Variants in UQCRB observed in about 807,000 individuals in gnomAD.
The protein encoded by UQCRB is cytochrome b-c1 complex subunit 7.
Under a neutral mutation model 19.8 loss-of-function variants are expected in UQCRB, and 12 were observed. That is an observed-to-expected ratio of 0.61 (90% CI 0.39 to 0.98). The LOEUF (loss-of-function observed/expected upper bound fraction) is 0.98. Ranked by LOEUF, UQCRB falls within the 50% of genes least tolerant of loss-of-function variation. UQCRB has a pLI of 0.00. For synonymous variants in UQCRB, 39 were observed against 42.9 expected (o/e 0.91, Z 0.35); for missense variants, 142 against 131.8 (o/e 1.08, Z -0.38).
At chr8:96,233,106 CAAAG>C (rs1563538698) in intron 2 of UQCRB, 46 bp downstream of exon 2, 7 of 1,493,136 alleles carry the variant, frequency 4.7e-6, no homozygotes, top group East Asian at 2.3e-5. Flanking sequence ...AAAAAAAAAA[CAAAG>C]AAACAACAAC....
rs557744964 is a variant in UQCRB at position 96,224,328 on chromosome 8, C to T, written c.*6727G>A. Among the ~76,000 whole-genome samples, 2 of 152,128 alleles carry T rather than the reference C, an allele frequency of 1.3e-5. No homozygotes were observed. The highest frequency in any genetic ancestry group is 1.9e-4 in the East Asian group (1 of 5,178). ...GGAGCTGTAGCTTTCTTCAGAGGAA[C>T]GTGGGCTGGGGAATAAATATCTCTG... On this transcript the variant is annotated 3_prime_UTR_variant, in exon 4 of 4. Transcript: ENST00000287022.
rs1809559605 is a variant in UQCRB, at chr8:96,227,815, C to CT, written c.*3239dup. The CT allele has an allele frequency of 2.2e-6, 1 of 453,436 alleles. No individual in the cohort carries two copies. The highest frequency in any genetic ancestry group is 2.0e-5 in the African/African-American group (1 of 49,896). 28.1% of individuals were successfully genotyped at this position (453,436 alleles called of 1,614,324 possible). On this transcript the variant is annotated 3_prime_UTR_variant, in exon 4 of 4. Transcript: ENST00000287022. ...AAAAGGGAGTCCTTAAAGTAAATAACTAAATGAAATCACTACCAAAATGTA... is the reference window on the plus strand; with the variant it reads ...AAAAGGGAGTCCTTAAAGTAAATAACTTAAATGAAATCACTACCAAAATGTA...
Position 96,233,226 on chromosome 8 carries a change from A to C in UQCRB, c.21T>G (p.Val7=). The C allele has an allele frequency of 1.2e-6, 2 of 1,613,688 alleles. No individual in the cohort carries two copies. Among genetic ancestry groups the C allele is most frequent in the Non-Finnish European group, 1.7e-6 (2 of 1,179,914 alleles). Residue 7 remains valine, a splice_region_variant and synonymous_variant, in exon 2 of 4, where the codon GTT becomes GTG. Coordinates refer to ENST00000287022, the MANE Select transcript of UQCRB (RefSeq NM_006294.5). MAGKQA[V]SASGKWLDGI... ...CATCCAGCCACTTGCCTGATGCTGAAACTGATAATTGTCACACTGTTAATT... is the reference window on the plus strand; with the variant it reads ...CATCCAGCCACTTGCCTGATGCTGACACTGATAATTGTCACACTGTTAATT...
At position 96,226,973 on chromosome 8, in the gene UQCRB, C is replaced by G; in HGVS notation, c.*4082G>C. ...GCAAAATATAACTTAGAGGCACTAT[C>G]CGACCTGAGATCTCAGATTCTAACA... is the stretch of plus-strand genomic sequence containing the variant. On this transcript the variant is annotated 3_prime_UTR_variant, in exon 4 of 4. Transcript: ENST00000287022. 2.2e-6 allele frequency: 1 copy of G among 454,030 alleles called. No homozygotes were observed. The highest frequency in any genetic ancestry group is 4.4e-6 in the Non-Finnish European group (1 of 226,764). 28.1% of individuals were successfully genotyped at this position (454,030 alleles called of 1,614,324 possible).
intron 1 of UQCRB, chr8:96,234,604 G>C: frequency 1.2e-6 from 1 of 866,300 alleles, no homozygotes; most frequent in Non-Finnish European, 1.7e-6. Flanking sequence ...TGTCAATTAG[G>C]TTAACGGATG....
intron 1 of UQCRB, chr8:96,234,413 G>T: frequency 3.3e-6 from 3 of 909,756 alleles, no homozygotes; most frequent in Non-Finnish European, 4.6e-6. Context: ...AGAAGGGGAA[G>T]CTGGCTTACA....
Position 96,235,324 on chromosome 8 carries a change from C to T in UQCRB, c.19+188G>A, listed in dbSNP as rs892884508. On this transcript the variant is annotated intron_variant, in intron 1 of 3. Transcript: ENST00000287022. Reference sequence around the variant, plus strand: ...AGCGGGTTAACATCCCAACCCTATACAGGCAAGCCCGCCCTGGGGACAGCA... The same window carrying T: ...AGCGGGTTAACATCCCAACCCTATATAGGCAAGCCCGCCCTGGGGACAGCA... 5.8e-6 allele frequency: 5 copies of T among 856,354 alleles called. No individual in the cohort carries two copies. In the Admixed American group the frequency reaches 8.3e-5, roughly 14 times the overall value. The allele number at this position is 856,354 out of a possible 1,614,324, so 53.0% of individuals were successfully genotyped here. A position where few individuals can be genotyped will look rare whatever the true frequency, so the allele number is the denominator to read the frequency against.
At chr8:96,231,559 T>TA (rs1403316680) in intron 3 of UQCRB, 1 of 1,411,434 alleles carries the variant, frequency 7.1e-7, no homozygotes, top group Non-Finnish European at 9.7e-7. Flanking sequence ...CTCTCTATAT[T>TA]AGAGACTTGC....
chr8:96,230,758 T>A lies in UQCRB; in HGVS notation c.*297A>T. 1.8e-6 allele frequency: 1 copy of A among 549,794 alleles called. No homozygotes were observed. The highest frequency in any genetic ancestry group is 3.5e-6 in the Non-Finnish European group (1 of 288,032). 34.1% of individuals were successfully genotyped at this position (549,794 alleles called of 1,614,324 possible). A position where few individuals can be genotyped will look rare whatever the true frequency, so the allele number is the denominator to read the frequency against. On this transcript the variant is annotated 3_prime_UTR_variant, in exon 4 of 4. Transcript: ENST00000287022. ...CCATAAGGATGTAACTTACGGAAGT[T>A]ATATCCTTCCATAAACTGATAGGCT...
rs1244872164 is a variant in UQCRB, at chr8:96,230,086, C to T, written c.*969G>A. 1.1e-4 allele frequency: 48 copies of T among 453,778 alleles called. No individual in the cohort carries two copies. The highest frequency in any genetic ancestry group is 2.0e-5 in the African/African-American group (1 of 49,950). 28.1% of individuals were successfully genotyped at this position (453,778 alleles called of 1,614,324 possible). A position where few individuals can be genotyped will look rare whatever the true frequency, so the allele number is the denominator to read the frequency against. Reference sequence around the variant, plus strand: ...GAAATGATGACAACATTGAATAATCCTAATTTTTTTTTTGAGACAGTCAAT... The same window carrying T: ...GAAATGATGACAACATTGAATAATCTTAATTTTTTTTTTGAGACAGTCAAT... On this transcript the variant is annotated 3_prime_UTR_variant, in exon 4 of 4. Transcript: ENST00000287022.
Position 96,224,737 on chromosome 8 carries a change from C to T in UQCRB, c.*6318G>A, listed in dbSNP as rs1305896184. 6.6e-6 allele frequency among the ~76,000 whole-genome samples: 1 copy of T among 152,172 alleles called. No individual in the cohort carries two copies. The highest frequency in any genetic ancestry group is 1.5e-5 in the Non-Finnish European group (1 of 68,030). The stretch of plus-strand genomic sequence containing the variant: ...AAATATACTCTGCTCACACCATATC[C>T]CTAAACTCCAGAGGGATTGAAGATT... On this transcript the variant is annotated 3_prime_UTR_variant, in exon 4 of 4. Transcript: ENST00000287022.
Position 96,226,794 on chromosome 8 carries a change from A to G in UQCRB, c.*4261T>C. On this transcript the variant is annotated 3_prime_UTR_variant, in exon 4 of 4. Transcript: ENST00000287022. ...AAATAATACACTCTTTCTTTGTAGG[A>G]GATATAATCAGAATCCAGAATGACA... is the stretch of plus-strand genomic sequence containing the variant. The G allele has an allele frequency of 2.3e-6, 1 of 434,336 alleles. No homozygotes were observed. Among genetic ancestry groups the G allele is most frequent in the Middle Eastern group, 7.5e-4 (1 of 1,330 alleles). 26.9% of individuals were successfully genotyped at this position (434,336 alleles called of 1,614,324 possible).
In UQCRB at chr8:96,231,835, G is replaced by A; in HGVS notation, c.197C>T (p.Ala66Val). 1.2e-6 allele frequency: 2 copies of A among 1,614,126 alleles called. No homozygotes were observed. Among genetic ancestry groups the A allele is most frequent in the East Asian group, 2.2e-5 (1 of 44,876 alleles). The stretch of plus-strand genomic sequence containing the variant: ...CTGATGCTTCAAGTTCAGGTCCAGT[G>A]CCCTCTTAATGCGAAACATCCTGTC... ...YNDRMFRIKR[A>V]LDLNLKHQIL... Residue 66 changes from alanine (A) to valine (V), a missense_variant, in exon 3 of 4, where the codon GCA becomes GTA. By Grantham distance (64) the Ala-to-Val change is moderately conservative. Around this residue, in one of 2 missense-constraint regions of UQCRB, gnomAD observed 132 missense variants for 107.5 expected, o/e 1.23. Transcript: ENST00000287022.
chr8:96,231,844 A>G lies in UQCRB; in HGVS notation c.188T>C (p.Ile63Thr), dbSNP rs1809683595. 2 of 1,614,150 alleles carry G rather than the reference A, an allele frequency of 1.2e-6. No homozygotes were observed. The highest frequency in any genetic ancestry group is 8.5e-7 in the Non-Finnish European group (1 of 1,180,026). Residue 63 changes from isoleucine (I) to threonine (T), a missense_variant, in exon 3 of 4, where the codon ATT (isoleucine) becomes ACT (threonine). Transcript: ENST00000287022. ...CAAGTTCAGGTCCAGTGCCCTCTTA[A>G]TGCGAAACATCCTGTCATTATAAAG... ...ENLYNDRMFR[I>T]KRALDLNLKH...
Position 96,228,145 on chromosome 8 carries a change from C to T in UQCRB, c.*2910G>A, listed in dbSNP as rs1487871318. 2 of 453,864 alleles carry T rather than the reference C, an allele frequency of 4.4e-6. No homozygotes were observed. Among genetic ancestry groups the T allele is most frequent in the Admixed American group, 4.7e-5 (2 of 42,534 alleles). 28.1% of individuals were successfully genotyped at this position (453,864 alleles called of 1,614,324 possible). ...CATAAGCCAGCCATCTGTTTTTTTG[C>T]AAAGTATAGTAAAACAAACAAACAG... On this transcript the variant is annotated 3_prime_UTR_variant, in exon 4 of 4. Coordinates refer to ENST00000287022, the MANE Select transcript of UQCRB (RefSeq NM_006294.5).
At chr8:96,235,358 G>C in intron 1 of UQCRB, 154 bp downstream of exon 1, 1 of 1,133,410 alleles carries the variant, frequency 8.8e-7, no homozygotes, top group Non-Finnish European at 1.3e-6. Flanking sequence ...CAAACGAGTG[G>C]GGAAGCACAT....
Position 96,228,826 on chromosome 8 carries a change from G to C in UQCRB, c.*2229C>G, listed in dbSNP as rs1418376623. On this transcript the variant is annotated 3_prime_UTR_variant, in exon 4 of 4. Coordinates refer to ENST00000287022, the MANE Select transcript of UQCRB (RefSeq NM_006294.5). Reference sequence around the variant, plus strand: ...TAGCTCTGAATCACTCTACCATTCGGTCTACAGGACAATGTAGACCAGACT... The same window carrying C: ...TAGCTCTGAATCACTCTACCATTCGCTCTACAGGACAATGTAGACCAGACT... 1 of 454,020 alleles carries C rather than the reference G, an allele frequency of 2.2e-6. No individual in the cohort carries two copies. The highest frequency in any genetic ancestry group is 4.4e-6 in the Non-Finnish European group (1 of 226,774). The allele number at this position is 454,020 out of a possible 1,614,324, so 28.1% of individuals were successfully genotyped here. A position where few individuals can be genotyped will look rare whatever the true frequency, so the allele number is the denominator to read the frequency against.
Position 96,228,930 on chromosome 8 carries a change from A to G in UQCRB, c.*2125T>C, listed in dbSNP as rs546720182. 2.2e-5 allele frequency: 10 copies of G among 454,142 alleles called. No individual in the cohort carries two copies. The East Asian group carries it at 5.6e-4, about 25-fold the overall frequency. 28.1% of individuals were successfully genotyped at this position (454,142 alleles called of 1,614,324 possible). A position where few individuals can be genotyped will look rare whatever the true frequency, so the allele number is the denominator to read the frequency against. On this transcript the variant is annotated 3_prime_UTR_variant, in exon 4 of 4. Transcript: ENST00000287022. ...GCACTCTCATGGTGATTTTCCACACAGGACGGCTTTTGATAATAGAAAGGC... is the reference window on the plus strand; with the variant it reads ...GCACTCTCATGGTGATTTTCCACACGGGACGGCTTTTGATAATAGAAAGGC...
rs557373115 is a variant in UQCRB at position 96,223,772 on chromosome 8, C to T, written c.*7283G>A. ...GGAGTTAAAACAGGAGGAAAGAGAACACAATGTTTTCAGAATGGACAAACC... is the reference window on the plus strand; with the variant it reads ...GGAGTTAAAACAGGAGGAAAGAGAATACAATGTTTTCAGAATGGACAAACC... On this transcript the variant is annotated 3_prime_UTR_variant, in exon 4 of 4. Transcript: ENST00000287022. 2.1e-4 allele frequency among the ~76,000 whole-genome samples: 32 copies of T among 152,284 alleles called. No homozygotes were observed. The highest frequency in any genetic ancestry group is 6.7e-4 in the African/African-American group (28 of 41,568).
Sources: gnomAD v4.1 joint callset for allele counts (sites outside exome capture counted in the v4.1 genomes callset) on GRCh38, gnomAD v4.1.1 for gene constraint, gnomAD v4.1.1 regional missense constraint, MANE v1.5 for transcripts, NCBI Gene and HGNC (gene_info 2026-07-23, HGNC 2026-07-21) for gene names.